The following ERG variants were observed in gnomAD, a reference collection of about 807,000 sequenced individuals.
The protein encoded by ERG is transcriptional regulator ERG.
A neutral mutation model predicts 55.3 loss-of-function variants in ERG; 9 were observed. The ratio of observed to expected loss-of-function variants is 0.16; its 90% confidence interval spans 0.10 to 0.28. The LOEUF (loss-of-function observed/expected upper bound fraction) is 0.28. Ranked by LOEUF, ERG falls within the 10% of genes least tolerant of loss-of-function variation. The pLI is 1.00. For synonymous variants in ERG, 223 were observed against 237.3 expected (o/e 0.94, Z 0.55); for missense variants, 434 against 631.6 (o/e 0.69, Z 3.35).
chr21:38,422,165 G>A (rs1989575212), intron 3 of ERG, among the ~76,000 whole-genome samples: 1 of 152,270 alleles, frequency 6.6e-6, no homozygotes, highest in Admixed American at 6.5e-5. Flanking sequence ...CCTCCCTGAG[G>A]CCATGACATT....
chr21:38,394,214 G>A (rs1988100755), intron 6 of ERG, among the ~76,000 whole-genome samples: 1 of 152,138 alleles, frequency 6.6e-6, no homozygotes, highest in Admixed American at 6.5e-5. Context: ...AGATAATACA[G>A]AAATACAGAA....
intron 2 of ERG, among the ~76,000 whole-genome samples, chr21:38,559,289 C>A (rs985776036): frequency 6.6e-6 from 1 of 151,902 alleles, no homozygotes; most frequent in Non-Finnish European, 1.5e-5. Flanking sequence ...ACACACCTGC[C>A]TGCTGATGAC....
At chr21:38,445,012 A>T (rs2058876701) in intron 2 of ERG, among the ~76,000 whole-genome samples, 1 of 152,194 alleles carries the variant, frequency 6.6e-6, no homozygotes, top group Non-Finnish European at 1.5e-5. Context: ...ATCTTCAAAG[A>T]GAGTTCTTGG....
At chr21:38,600,456 T>C (rs1460322060) in intron 1 of ERG, among the ~76,000 whole-genome samples, 5 of 152,120 alleles carry the variant, frequency 3.3e-5, no homozygotes, top group African/African-American at 1.2e-4. Flanking sequence ...CGGTCCCTGT[T>C]TGCTCCACAG....
chr21:38,426,812 C>T (rs558733921), intron 2 of ERG, among the ~76,000 whole-genome samples: 138 of 152,032 alleles, frequency 9.1e-4, no homozygotes, highest in African/African-American at 3.2e-3. Flanking sequence ...TGCCCGTAAT[C>T]CCAGCTACTC....
At chr21:38,603,848 A>G (rs1489309783) in intron 1 of ERG, among the ~76,000 whole-genome samples, 2 of 152,170 alleles carry the variant, frequency 1.3e-5, no homozygotes, top group African/African-American at 4.8e-5. Context: ...GGTGGAGGTT[A>G]AAGTGTCCTT....
rs373779750 is a variant in ERG, at chr21:38,605,394, A to T, written c.-149-20449T>A. Among the ~76,000 whole-genome samples the T allele has an allele frequency of 2.6e-5, 4 of 152,302 alleles. No individual in the cohort carries two copies. In the East Asian group the frequency reaches 7.7e-4, roughly 29 times the overall value. On this transcript the variant is annotated intron_variant, in intron 1 of 10. Transcript: ENST00000398910. Reference sequence around the variant, plus strand: ...TCACCACATGGTAGACTCGCCTGAGACAATCAGGCCTTATTCCAATTACAA... The same window carrying T: ...TCACCACATGGTAGACTCGCCTGAGTCAATCAGGCCTTATTCCAATTACAA...
chr21:38,587,556 T>C (rs1353692619), upstream of ERG, among the ~76,000 whole-genome samples: 1 of 151,972 alleles, frequency 6.6e-6, no homozygotes, highest in Non-Finnish European at 1.5e-5. Flanking sequence ...CGGGGTTTCA[T>C]CGTGTTAGCC....
intron 1 of ERG, among the ~76,000 whole-genome samples, chr21:38,639,339 G>A (rs1444305944): frequency 6.6e-6 from 1 of 151,388 alleles, no homozygotes; most frequent in Non-Finnish European, 1.5e-5. Context: ...AAGAAAAAAT[G>A]TGGAGCAAAA....
intron 9 of ERG, among the ~76,000 whole-genome samples, chr21:38,389,988 C>A (rs1195646145): frequency 6.6e-6 from 1 of 152,066 alleles, no homozygotes; most frequent in Non-Finnish European, 1.5e-5. Context: ...TTAATTATTC[C>A]ATTTCGAACC....
chr21:38,373,440 A>T, the ERG span, among the ~76,000 whole-genome samples: 2 of 152,232 alleles, frequency 1.3e-5, no homozygotes, highest in Non-Finnish European at 2.9e-5. Flanking sequence ...TACAATAGGC[A>T]TATTTCCCTC....
At chr21:38,537,895 C>A (rs923398140) in intron 2 of ERG, among the ~76,000 whole-genome samples, 2 of 152,160 alleles carry the variant, frequency 1.3e-5, no homozygotes, top group African/African-American at 4.8e-5. Context: ...GTGGAGGCAA[C>A]CCAAGTGTCC....
chr21:38,414,559 C>T (rs1008836996), intron 3 of ERG, among the ~76,000 whole-genome samples: 2 of 152,176 alleles, frequency 1.3e-5, no homozygotes, highest in Non-Finnish European at 2.9e-5. Flanking sequence ...ACACATATTG[C>T]TATATTTAAT....
rs150792753 is a variant in ERG at position 38,383,778 on chromosome 21, C to T, written c.1065G>A (p.Lys355=). The part of the protein sequence containing the change: ...DEVARRWGER[K]SKPNMNYDKL... ...TATCGTAGTTCATGTTGGGTTTGCT[C>T]TTCCGCTCTCCCCAGCGCCGGGCCA... Residue 355 remains lysine (K), a synonymous_variant, in exon 10 of 10, where the codon AAG becomes AAA. Coordinates refer to ENST00000288319, the MANE Select transcript of ERG (RefSeq NM_182918.4). This position sits in a 1 kb window ranked among gnomAD's most constrained non-coding sequence, Gnocchi z 5.7. 4 of 1,614,040 alleles carry T rather than the reference C, an allele frequency of 2.5e-6. No individual in the cohort carries two copies. The African/African-American group carries it at 4.0e-5, about 16-fold the overall frequency.
At position 38,486,175 on chromosome 21, in the gene ERG, T is replaced by C. The variant is rs559886492; in HGVS notation, c.18+12188A>G. On this transcript the variant is annotated intron_variant, in intron 1 of 9. Coordinates refer to ENST00000288319, the MANE Select transcript of ERG (RefSeq NM_182918.4). ...GTCTCCATCTCCTGACCTCGTGATCTGCCCGCCTCAGCCTCCCAAAGTGCT... is the reference window on the plus strand; with the variant it reads ...GTCTCCATCTCCTGACCTCGTGATCCGCCCGCCTCAGCCTCCCAAAGTGCT... 2.8e-3 allele frequency among the ~76,000 whole-genome samples: 413 copies of C among 149,936 alleles called. 2 individuals carry two copies. Among genetic ancestry groups the C allele is most frequent in the African/African-American group, 9.6e-3 (391 of 40,872 alleles).
chr21:38,423,313 T>C (rs1989633415), intron 3 of ERG, 97 bp downstream of exon 3: 1 of 1,307,096 alleles, frequency 7.7e-7, no homozygotes, highest in Non-Finnish European at 1.1e-6. Context: ...GGAGATGTGA[T>C]CAATGCCACA....
intron 1 of ERG, among the ~76,000 whole-genome samples, chr21:38,476,875 T>G (rs535242525): frequency 6.6e-6 from 1 of 152,200 alleles, no homozygotes; most frequent in African/African-American, 2.4e-5. Context: ...AGCGTAAAAA[T>G]TAACTGGAGG....
At chr21:38,372,509 T>C in the ERG span, among the ~76,000 whole-genome samples, 2 of 151,990 alleles carry the variant, frequency 1.3e-5, no homozygotes, top group Non-Finnish European at 2.9e-5. Flanking sequence ...GTTTTAGCTG[T>C]ATACCACAAA....
At position 38,383,193 on chromosome 21, in the gene ERG, C is replaced by T; in HGVS notation, c.*210G>A. 6 of 1,282,370 alleles carry T rather than the reference C, an allele frequency of 4.7e-6. No individual in the cohort carries two copies. Among genetic ancestry groups the T allele is most frequent in the Non-Finnish European group, 4.9e-6 (5 of 1,017,172 alleles). 79.4% of individuals were successfully genotyped at this position (1,282,370 alleles called of 1,614,324 possible). ...AGTCCACAGATGATATGTCCATATT[C>T]GTGACATTTTTAGCATCCTCCTCAT... On this transcript the variant is annotated 3_prime_UTR_variant, in exon 10 of 10. Coordinates refer to ENST00000288319, the MANE Select transcript of ERG (RefSeq NM_182918.4). The surrounding 1 kb of genome is among the most constrained non-coding windows in gnomAD (Gnocchi z 5.7).
Sources: allele counts gnomAD v4.1 joint callset (sites outside exome capture counted in the v4.1 genomes callset), GRCh38; gene constraint gnomAD v4.1.1; non-coding constraint Gnocchi (gnomAD v3.1); transcripts MANE v1.5; gene names NCBI Gene and HGNC (gene_info 2026-07-23, HGNC 2026-07-21).